FRMPD4: variants seen among roughly 807,000 people sequenced by gnomAD.
FRMPD4 encodes the protein FERM and PDZ domain containing 4.
Under a neutral mutation model 94.1 loss-of-function variants are expected in FRMPD4, and 22 were observed. The ratio of observed to expected loss-of-function variants is 0.23; its 90% confidence interval spans 0.17 to 0.33. FRMPD4 has a LOEUF of 0.33. FRMPD4 is among the 10% of genes least tolerant of loss of function. FRMPD4 has a pLI of 1.00. For missense variants in FRMPD4, 1,111 were observed against 1,339.9 expected (o/e 0.83, Z 2.67); for synonymous variants, 631 against 548.6 (o/e 1.15, Z -2.10).
chrX:12,333,317 G>GT (rs200685306), intron 1 of FRMPD4, among the ~76,000 whole-genome samples: 6,645 of 108,700 alleles, frequency 0.061, 435 homozygotes, highest in African/African-American at 0.19. Context: ...CATTTAAAAT[G>GT]TTTTTTTTTA....
At chrX:12,126,869 C>G (rs1210471842) in intron 3 of FRMPD4, among the ~76,000 whole-genome samples, 1 of 111,813 alleles carries the variant, frequency 8.9e-6, no homozygotes, top group Non-Finnish European at 1.9e-5. Context: ...AAAATATCCC[C>G]TTACTGGTTT....
intron 1 of FRMPD4, among the ~76,000 whole-genome samples, chrX:12,168,176 C>T (rs2056154873): frequency 9.0e-6 from 1 of 111,284 alleles, no homozygotes; most frequent in African/African-American, 3.3e-5. Flanking sequence ...AGGCAGAGCC[C>T]ATAGATGAAA....
At chrX:12,262,093 C>G (rs2054197625) in intron 1 of FRMPD4, among the ~76,000 whole-genome samples, 1 of 111,071 alleles carries the variant, frequency 9.0e-6, no homozygotes, top group African/African-American at 3.3e-5. Context: ...CTCTAGCCCA[C>G]TGACCAAATC....
chrX:12,673,506 G>A (rs902964283), intron 4 of FRMPD4, among the ~76,000 whole-genome samples: 4 of 111,690 alleles, frequency 3.6e-5, no homozygotes, highest in Non-Finnish European at 7.5e-5. Flanking sequence ...GACTGGCTTG[G>A]TCATGGTGCT....
At position 12,073,219 on chromosome X, in the gene FRMPD4, G is replaced by A. The variant is rs770828888; in HGVS notation, c.95+195201G>A. Among the ~76,000 whole-genome samples, 4 of 110,914 alleles carry A rather than the reference G, an allele frequency of 3.6e-5. No homozygotes were observed. In the South Asian group the frequency reaches 1.1e-3, roughly 32 times the overall value. On this transcript the variant is annotated intron_variant, in intron 3 of 18. Coordinates refer to the FRMPD4 transcript ENST00000640291. ...ACACTCTTGCACATCCTCCTTGTAC[G>A]CATATATGAGAGCTTCCCTAGGGCC...
intron 1 of FRMPD4, among the ~76,000 whole-genome samples, chrX:12,475,321 T>A (rs900638067): frequency 1.8e-5 from 2 of 111,952 alleles, no homozygotes; most frequent in Non-Finnish European, 3.8e-5. Flanking sequence ...CTCAAAATAA[T>A]AAGAGCTATC....
intron 2 of FRMPD4, among the ~76,000 whole-genome samples, chrX:12,553,819 AT>A (rs2058566431): frequency 8.9e-6 from 1 of 111,732 alleles, no homozygotes; most frequent in African/African-American, 3.2e-5. Context: ...AGTTTATTTT[AT>A]ACACAATGTG....
chrX:12,699,512 G>A (rs1453459712), intron 9 of FRMPD4, among the ~76,000 whole-genome samples: 1 of 112,510 alleles, frequency 8.9e-6, no homozygotes, highest in Non-Finnish European at 1.9e-5. Flanking sequence ...GCACAGCACC[G>A]GTGCAGCATG....
intron 14 of FRMPD4, among the ~76,000 whole-genome samples, chrX:12,712,347 G>A (rs1473333600): frequency 9.0e-6 from 1 of 111,186 alleles, no homozygotes; most frequent in African/African-American, 3.3e-5. Flanking sequence ...ACAGGAGTTT[G>A]AGATCAGACT....
At chrX:12,459,061 T>G (rs2057365281) in intron 1 of FRMPD4, among the ~76,000 whole-genome samples, 1 of 111,723 alleles carries the variant, frequency 9.0e-6, no homozygotes, top group Non-Finnish European at 1.9e-5. Flanking sequence ...AAAAGATCTA[T>G]CACAGAGATA....
At chrX:12,015,345 C>A (rs754139390) in intron 3 of FRMPD4, among the ~76,000 whole-genome samples, 7 of 111,538 alleles carry the variant, frequency 6.3e-5, no homozygotes, top group African/African-American at 2.0e-4. Flanking sequence ...TAGCTAATTC[C>A]TATTTATTTC....
intron 4 of FRMPD4, among the ~76,000 whole-genome samples, chrX:12,617,811 T>A (rs1428075823): frequency 2.7e-5 from 3 of 111,440 alleles, no homozygotes; most frequent in Admixed American, 1.9e-4. Flanking sequence ...GCAGCATGTG[T>A]TCATGGATCA....
At chrX:11,876,037 G>A (rs961624443) in intron 2 of FRMPD4, among the ~76,000 whole-genome samples, 5 of 108,864 alleles carry the variant, frequency 4.6e-5, no homozygotes, top group Admixed American at 2.9e-4. Flanking sequence ...CACCATGCCC[G>A]GCTAATTTTT....
At chrX:12,168,218 C>G (rs2056155582) in intron 1 of FRMPD4, among the ~76,000 whole-genome samples, 1 of 111,543 alleles carries the variant, frequency 9.0e-6, no homozygotes, top group African/African-American at 3.3e-5. Context: ...CTGTGCAGAA[C>G]AAAACACACT....
chrX:12,688,150 G>T (rs1197593374), intron 7 of FRMPD4, among the ~76,000 whole-genome samples: 1 of 111,867 alleles, frequency 8.9e-6, no homozygotes, highest in Admixed American at 9.5e-5. Context: ...TAACCCGCAG[G>T]TCATAGTTGG....
At chrX:12,611,735 C>T (rs1330310234) in intron 3 of FRMPD4, among the ~76,000 whole-genome samples, 1 of 112,071 alleles carries the variant, frequency 8.9e-6, no homozygotes, top group African/African-American at 3.2e-5. Context: ...AATAATTAAC[C>T]ACTTTAGACT....
chrX:11,944,389 C>T (rs1250751520), intron 3 of FRMPD4, among the ~76,000 whole-genome samples: 1 of 111,502 alleles, frequency 9.0e-6, no homozygotes, highest in African/African-American at 3.3e-5. Context: ...CTTTTTACAC[C>T]CACTAATTTG....
At chrX:12,704,284 C>T (rs1219923556) in intron 10 of FRMPD4, 75 bp from the exon 11 acceptor site, 3 of 794,964 alleles carry the variant, frequency 3.8e-6, no homozygotes, top group Non-Finnish European at 5.3e-6. Context: ...TTCCAACAAA[C>T]ATCAGAGCAC....
intron 1 of FRMPD4, among the ~76,000 whole-genome samples, chrX:12,320,764 G>A (rs1434534548): frequency 1.8e-5 from 2 of 111,017 alleles, no homozygotes; most frequent in Non-Finnish European, 1.9e-5. Flanking sequence ...TTTTAAAAGC[G>A]ATACTGTAAA....
Sources: allele counts gnomAD v4.1 joint callset (sites outside exome capture counted in the v4.1 genomes callset), GRCh38; gene constraint gnomAD v4.1.1; transcripts MANE v1.5; gene names NCBI Gene and HGNC (gene_info 2026-07-23, HGNC 2026-07-21).